SCAPER: variants seen among roughly 807,000 people sequenced by gnomAD.
The protein encoded by SCAPER is S phase cyclin A-associated protein in the endoplasmic reticulum.
Under a neutral mutation model 182.2 loss-of-function variants are expected in SCAPER, and 98 were observed. The observed-to-expected ratio is 0.54, with a 90% CI of 0.46 to 0.64. The LOEUF (loss-of-function observed/expected upper bound fraction) is 0.64, where lower values mean the gene tolerates loss of function less well. Among genes scored for constraint, SCAPER ranks in the 30% least tolerant of loss-of-function variants. The probability of loss-of-function intolerance (pLI) is 0.00; values close to 1 mark genes in which losing one functional copy is unlikely to be tolerated. For synonymous variants in SCAPER, 605 were observed against 564.6 expected, an observed-to-expected ratio of 1.07 and a Z score of -1.01; for missense variants, 1,432 against 1,690.0, an observed-to-expected ratio of 0.85 and a Z score of 2.68.
At chr15:76,578,333 T>A (rs2048009139) in intron 22 of SCAPER, among the ~76,000 whole-genome samples, 1 of 152,094 alleles carries the variant, frequency 6.6e-6, no homozygotes, top group South Asian at 2.1e-4. Flanking sequence ...TGCTGATTGC[T>A]GAGCCCTAGG....
At chr15:76,741,382 A>C (rs2061530151) in intron 15 of SCAPER, among the ~76,000 whole-genome samples, 1 of 152,142 alleles carries the variant, frequency 6.6e-6, no homozygotes, top group African/African-American at 2.4e-5. Context: ...ATATAATATT[A>C]AAGAAATCTA....
intron 20 of SCAPER, among the ~76,000 whole-genome samples, chr15:76,666,614 A>T (rs889414596): frequency 1.3e-5 from 2 of 152,216 alleles, no homozygotes; most frequent in Admixed American, 1.3e-4. Context: ...TTACACCTCA[A>T]GTGGCCTCTA....
chr15:76,585,358 A>G (rs1489847327), intron 22 of SCAPER, among the ~76,000 whole-genome samples: 1 of 152,178 alleles, frequency 6.6e-6, no homozygotes, highest in African/African-American at 2.4e-5. Flanking sequence ...TAATGGCAGC[A>G]TACTTCTTTT....
intron 25 of SCAPER, among the ~76,000 whole-genome samples, chr15:76,455,111 C>A (rs2048632046): frequency 6.6e-6 from 1 of 152,048 alleles, no homozygotes; most frequent in African/African-American, 2.4e-5. Flanking sequence ...ATTTATGAAG[C>A]CTAAGTACTT....
chr15:76,704,599 G>C lies in SCAPER; in HGVS notation c.2247+1304C>G, dbSNP rs111627127. On this transcript the variant is annotated intron_variant, in intron 18 of 31. Coordinates refer to ENST00000563290, the MANE Select transcript of SCAPER (RefSeq NM_020843.4). ...TAGGGAAATCCTTTCCCCATTGCTT[G>C]TTTTTCTCAGGTTTGTCAAAGATCA... 1.7e-3 allele frequency among the ~76,000 whole-genome samples: 256 copies of C among 152,196 alleles called. 3 individuals are homozygous for C. The highest frequency in any genetic ancestry group is 0.014 in the Middle Eastern group (4 of 294).
chr15:76,387,849 G>A (rs1040018647), intron 27 of SCAPER, among the ~76,000 whole-genome samples: 3 of 152,220 alleles, frequency 2.0e-5, no homozygotes, highest in African/African-American at 7.2e-5. Context: ...AAGATGGGAA[G>A]AGGGTAAGTA....
chr15:76,445,531 G>A (rs1387425924), intron 25 of SCAPER, among the ~76,000 whole-genome samples: 1 of 152,298 alleles, frequency 6.6e-6, no homozygotes, highest in African/African-American at 2.4e-5. Flanking sequence ...GGTGAAGGCT[G>A]CCTCATTATC....
intron 25 of SCAPER, among the ~76,000 whole-genome samples, chr15:76,458,247 C>T (rs940597995): frequency 2.0e-5 from 3 of 151,706 alleles, no homozygotes; most frequent in Admixed American, 6.6e-5. Flanking sequence ...CCCACACATA[C>T]AGACTCCACA....
intron 21 of SCAPER, among the ~76,000 whole-genome samples, chr15:76,659,778 GA>G (rs2055976111): frequency 6.6e-6 from 1 of 152,184 alleles, no homozygotes; most frequent in South Asian, 2.1e-4. Context: ...GTTGGTGAGG[GA>G]ATGCTCATAT....
chr15:76,892,094 A>G (rs954257913), intron 1 of SCAPER, among the ~76,000 whole-genome samples: 5 of 152,228 alleles, frequency 3.3e-5, no homozygotes, highest in African/African-American at 1.2e-4. Context: ...TCCCTATTTA[A>G]TAGTGCAGGG....
chr15:76,510,172 A>G (rs921621807), intron 23 of SCAPER, among the ~76,000 whole-genome samples: 1 of 152,214 alleles, frequency 6.6e-6, no homozygotes, highest in African/African-American at 2.4e-5. Flanking sequence ...TTAGACAAGG[A>G]TTTCATGACC....
chr15:76,727,968 C>A (rs890150712), intron 17 of SCAPER, among the ~76,000 whole-genome samples: 5 of 151,996 alleles, frequency 3.3e-5, no homozygotes, highest in Admixed American at 3.3e-4. Flanking sequence ...TATTATTAAT[C>A]AGGGACAAGT....
chr15:76,434,831 G>T (rs1263137937), intron 25 of SCAPER, among the ~76,000 whole-genome samples: 1 of 152,162 alleles, frequency 6.6e-6, no homozygotes, highest in Non-Finnish European at 1.5e-5. Flanking sequence ...CTCTCTTTGT[G>T]TATAGTTTAC....
At chr15:76,511,640 T>G (rs1248826344) in intron 23 of SCAPER, among the ~76,000 whole-genome samples, 1 of 152,120 alleles carries the variant, frequency 6.6e-6, no homozygotes, top group Non-Finnish European at 1.5e-5. Flanking sequence ...TTGCATAAAC[T>G]GTTCCTTTTC....
At chr15:76,632,768 CTTTT>C (rs1188058843) in intron 21 of SCAPER, among the ~76,000 whole-genome samples, 11 of 104,522 alleles carry the variant, frequency 1.1e-4, no homozygotes, top group South Asian at 3.1e-4. Flanking sequence ...AGGCTGCTGA[CTTTT>C]TTTTTTTTTT....
chr15:76,817,951 C>G (rs774969877), intron 5 of SCAPER, among the ~76,000 whole-genome samples: 3 of 152,134 alleles, frequency 2.0e-5, no homozygotes, highest in Non-Finnish European at 4.4e-5. Flanking sequence ...GCAAGTTAAG[C>G]TGATTCTAAA....
intron 20 of SCAPER, among the ~76,000 whole-genome samples, chr15:76,679,722 C>A (rs2057577842): frequency 1.3e-5 from 2 of 151,362 alleles, no homozygotes; most frequent in South Asian, 2.1e-4. Context: ...TGTCCCCTCA[C>A]CACTCAGTGA....
intron 27 of SCAPER, among the ~76,000 whole-genome samples, chr15:76,396,747 A>T (rs1028154108): frequency 6.6e-6 from 1 of 152,226 alleles, no homozygotes; most frequent in African/African-American, 2.4e-5. Flanking sequence ...ATATGAGATC[A>T]TATCATCTGT....
At chr15:76,531,200 A>G (rs1305356696) in intron 23 of SCAPER, among the ~76,000 whole-genome samples, 4 of 152,196 alleles carry the variant, frequency 2.6e-5, no homozygotes, top group Admixed American at 2.6e-4. Context: ...GCAAAAGTTG[A>G]GGACGTAAAG....
Sources: allele counts gnomAD v4.1 joint callset (sites outside exome capture counted in the v4.1 genomes callset), GRCh38; gene constraint gnomAD v4.1.1; transcripts MANE v1.5; gene names NCBI Gene and HGNC (gene_info 2026-07-23, HGNC 2026-07-21).